ZBTB20: variants seen among roughly 807,000 people sequenced by gnomAD.
ZBTB20 encodes zinc finger and BTB domain containing 20, also known as zinc finger and BTB domain-containing protein 20.
Under a neutral mutation model 56.9 loss-of-function variants are expected in ZBTB20, and 9 were observed. The observed-to-expected ratio is 0.16, with a 90% confidence interval of 0.10 to 0.28. The LOEUF is 0.28. ZBTB20 is among the 10% of genes least tolerant of loss of function. The pLI is 1.00. For synonymous variants in ZBTB20, 417 were observed against 420.7 expected, an observed-to-expected ratio of 0.99 and a Z score of 0.11; for missense variants, 655 against 1,003.0, an observed-to-expected ratio of 0.65 and a Z score of 4.69.
chr3:114,771,922 C>T (rs1208280114), intron 5 of ZBTB20, among the ~76,000 whole-genome samples: 2 of 152,152 alleles, frequency 1.3e-5, no homozygotes, highest in African/African-American at 4.8e-5. Context: ...TATTACCAAC[C>T]TATGAATTGA....
intron 2 of ZBTB20, among the ~76,000 whole-genome samples, chr3:115,013,817 G>T (rs1468147498): frequency 6.6e-6 from 1 of 151,586 alleles, no homozygotes; most frequent in African/African-American, 2.4e-5. Flanking sequence ...ACTATTGGTG[G>T]AAATGTATAT....
chr3:114,908,683 A>C (rs2075409317), intron 3 of ZBTB20, among the ~76,000 whole-genome samples: 1 of 152,020 alleles, frequency 6.6e-6, no homozygotes. Context: ...TTAAGTTCAA[A>C]ATAGGGCACA....
rs145919922 is a variant in ZBTB20 at position 114,952,182 on chromosome 3, T to C, written c.-456+22184A>G. 1.9e-3 allele frequency among the ~76,000 whole-genome samples: 290 copies of C among 152,206 alleles called. 1 individual carries two copies. Among genetic ancestry groups the C allele is most frequent in the Middle Eastern group, 0.01 (3 of 294 alleles). ...ATCTCATGTGGAAATTTAATTGCCA[T>C]TGTAACAGTGTTGAGTATCAGGACC... is the stretch of plus-strand genomic sequence containing the variant. On this transcript the variant is annotated intron_variant, in intron 3 of 11. Coordinates refer to ENST00000675478, the MANE Select transcript of ZBTB20 (RefSeq NM_001348800.3).
chr3:114,470,625 A>C (rs2040017658), intron 7 of ZBTB20, among the ~76,000 whole-genome samples: 1 of 152,166 alleles, frequency 6.6e-6, no homozygotes, highest in Non-Finnish European at 1.5e-5. Flanking sequence ...AGGAAATTGA[A>C]ACTCAAATAA....
At chr3:114,345,737 T>G (rs915041292) in intron 11 of ZBTB20, among the ~76,000 whole-genome samples, 4 of 152,166 alleles carry the variant, frequency 2.6e-5, no homozygotes, top group African/African-American at 9.7e-5. Flanking sequence ...ATAATTTGCA[T>G]GCTGCTAGTG....
intron 2 of ZBTB20, among the ~76,000 whole-genome samples, chr3:114,998,979 A>G (rs958152758): frequency 1.4e-5 from 2 of 140,590 alleles, no homozygotes; most frequent in African/African-American, 5.2e-5. Context: ...AAGAGAAAAG[A>G]ATGAGGATAG....
intron 5 of ZBTB20, among the ~76,000 whole-genome samples, chr3:114,797,443 G>T (rs1389088996): frequency 6.6e-6 from 1 of 151,544 alleles, no homozygotes; most frequent in Non-Finnish European, 1.5e-5. Context: ...CTCTTCATAG[G>T]CTTCTTGCTA....
Position 114,330,639 on chromosome 3 carries a change from A to G in ZBTB20, c.*8366T>C, listed in dbSNP as rs1304449243. The G allele has an allele frequency of 1.3e-5, 2 of 152,252 alleles. No individual in the cohort carries two copies. The highest frequency in any genetic ancestry group is 2.9e-5 in the Non-Finnish European group (2 of 68,040). The allele number at this position is 152,252 out of a possible 1,614,324, so 9.4% of individuals were successfully genotyped here. On this transcript the variant is annotated 3_prime_UTR_variant, in exon 12 of 12. Coordinates refer to ENST00000675478, the MANE Select transcript of ZBTB20 (RefSeq NM_001348800.3). Reference sequence around the variant, plus strand: ...AAGACAATATACATTTTAAAAAGTAATAACGACAAAAAAGTTGCAACTGTA... The same window carrying G: ...AAGACAATATACATTTTAAAAAGTAGTAACGACAAAAAAGTTGCAACTGTA...
chr3:114,851,815 C>T (rs955303646), intron 4 of ZBTB20, among the ~76,000 whole-genome samples: 1 of 151,848 alleles, frequency 6.6e-6, no homozygotes, highest in Admixed American at 6.6e-5. Context: ...ATGGATATTC[C>T]TCCGAACACT....
chr3:114,317,443 C>T lies in ZBTB20; in HGVS notation c.*21562G>A, dbSNP rs1233501440. 2 of 152,020 alleles carry T rather than the reference C, an allele frequency of 1.3e-5. No individual in the cohort carries two copies. Among genetic ancestry groups the T allele is most frequent in the Admixed American group, 6.5e-5 (1 of 15,270 alleles). 9.4% of individuals were successfully genotyped at this position (152,020 alleles called of 1,614,324 possible). A position where few individuals can be genotyped will look rare whatever the true frequency, so the allele number is the denominator to read the frequency against. ...AAATTGGGAGAACAAGGCTGCTTGC[C>T]ATTGCTCACCTCATTTTTGAAAAAA... On this transcript the variant is annotated 3_prime_UTR_variant, in exon 12 of 12. Transcript: ENST00000675478.
At chr3:115,127,654 T>G (rs2084372073) in intron 1 of ZBTB20, among the ~76,000 whole-genome samples, 1 of 151,774 alleles carries the variant, frequency 6.6e-6, no homozygotes, top group South Asian at 2.1e-4. Flanking sequence ...CAAAACCACC[T>G]CCATTGTTTT....
At position 114,414,786 on chromosome 3, in the gene ZBTB20, C is replaced by T. The variant is rs551715049; in HGVS notation, c.-254-25681G>A. ...ATGCTATATGATAGTATATAAAATA[C>T]TATATATTTTATATAAAATTATTAT... is the stretch of plus-strand genomic sequence containing the variant. On this transcript the variant is annotated intron_variant, in intron 7 of 11. Transcript: ENST00000675478. Among the ~76,000 whole-genome samples, 20 of 146,666 alleles carry T rather than the reference C, an allele frequency of 1.4e-4. No individual in the cohort carries two copies. The South Asian group carries it at 3.9e-3, about 29-fold the overall frequency.
rs1283624309 is a variant in ZBTB20, at chr3:114,337,271, C to CAGTT, written c.*1733_*1734insAACT. On this transcript the variant is annotated 3_prime_UTR_variant, in exon 12 of 12. Coordinates refer to ENST00000675478, the MANE Select transcript of ZBTB20 (RefSeq NM_001348800.3). ...GGCATCAATGCATCTTGATCTATAA[C>CAGTT]AGGCTTCTCATAATGATGCTCTTTG... is the stretch of plus-strand genomic sequence containing the variant. 1.3e-5 allele frequency: 2 copies of CAGTT among 152,224 alleles called. No homozygotes were observed. Among genetic ancestry groups the CAGTT allele is most frequent in the African/African-American group, 4.8e-5 (2 of 41,448 alleles). 9.4% of individuals were successfully genotyped at this position (152,224 alleles called of 1,614,324 possible).
At chr3:115,064,093 A>C (rs183461161) in intron 2 of ZBTB20, among the ~76,000 whole-genome samples, 1 of 152,306 alleles carries the variant, frequency 6.6e-6, no homozygotes, top group Admixed American at 6.5e-5. Flanking sequence ...GAAGAATCCT[A>C]TTCTAATTCT....
chr3:114,537,570 C>G (rs2048619160), intron 6 of ZBTB20, among the ~76,000 whole-genome samples: 1 of 152,182 alleles, frequency 6.6e-6, no homozygotes, highest in Admixed American at 6.5e-5. Flanking sequence ...TTCTGGAAGA[C>G]AGCGTGGCAA....
At chr3:115,117,160 TG>T in intron 1 of ZBTB20, among the ~76,000 whole-genome samples, 1 of 152,248 alleles carries the variant, frequency 6.6e-6, no homozygotes, top group Middle Eastern at 3.4e-3. Flanking sequence ...TACTAACAGA[TG>T]GGACATAAGG....
At chr3:114,707,390 C>A (rs1578444673) in intron 5 of ZBTB20, among the ~76,000 whole-genome samples, 1 of 152,106 alleles carries the variant, frequency 6.6e-6, no homozygotes, top group African/African-American at 2.4e-5. Context: ...TTCCCTACCC[C>A]CAATCACACC....
At chr3:114,750,523 G>A (rs748988880) in intron 5 of ZBTB20, among the ~76,000 whole-genome samples, 3 of 152,274 alleles carry the variant, frequency 2.0e-5, no homozygotes, top group Admixed American at 6.5e-5. Flanking sequence ...TCCAAGGTGA[G>A]GCTAGCTGCA....
At chr3:114,560,968 A>G (rs1195758015) in intron 6 of ZBTB20, among the ~76,000 whole-genome samples, 2 of 152,204 alleles carry the variant, frequency 1.3e-5, no homozygotes, top group African/African-American at 4.8e-5. Flanking sequence ...AGTTTATAAA[A>G]CATTCTAAAT....
Sources: allele counts gnomAD v4.1 joint callset (sites outside exome capture counted in the v4.1 genomes callset), GRCh38; gene constraint gnomAD v4.1.1; transcripts MANE v1.5; gene names NCBI Gene and HGNC (gene_info 2026-07-23, HGNC 2026-07-21).